The following CSMD1 variants were observed in gnomAD, a reference collection of about 807,000 sequenced individuals.
CSMD1 encodes CUB and sushi domain-containing protein 1.
A neutral mutation model predicts 417.5 loss-of-function variants in CSMD1; 213 were observed. The observed-to-expected ratio is 0.51, with a 90% CI of 0.46 to 0.57. CSMD1 has a LOEUF of 0.57. Among genes scored for constraint, CSMD1 ranks in the 20% least tolerant of loss-of-function variants. The pLI is 0.00. For synonymous variants in CSMD1, 2,862 were observed against 1,736.8 expected, an observed-to-expected ratio of 1.65 and a Z score of -16.11; for missense variants, 6,923 against 4,529.7, an observed-to-expected ratio of 1.53 and a Z score of -15.17.
intron 10 of CSMD1, among the ~76,000 whole-genome samples, chr8:3,534,128 C>A (rs371571641): frequency 2.0e-5 from 3 of 152,194 alleles, no homozygotes; most frequent in East Asian, 3.8e-4. Flanking sequence ...CGCTCTCACT[C>A]ATATGCACTG....
At chr8:4,516,611 G>A (rs2130372221) in intron 2 of CSMD1, among the ~76,000 whole-genome samples, 1 of 152,254 alleles carries the variant, frequency 6.6e-6, no homozygotes. Flanking sequence ...CCCTTCTCAT[G>A]CAAGCATCGC....
chr8:4,145,825 G>A (rs1465361431), intron 3 of CSMD1, among the ~76,000 whole-genome samples: 1 of 151,136 alleles, frequency 6.6e-6, no homozygotes, highest in Non-Finnish European at 1.5e-5. Context: ...GGGTTGGAAT[G>A]GCTTCCAGGA....
chr8:4,029,119 T>A (rs970868714), intron 4 of CSMD1, among the ~76,000 whole-genome samples: 25 of 152,086 alleles, frequency 1.6e-4, no homozygotes, highest in Non-Finnish European at 3.2e-4. Flanking sequence ...GTTTGTAATT[T>A]TTAATAAAAA....
intron 36 of CSMD1, among the ~76,000 whole-genome samples, chr8:3,186,995 G>C (rs1288651231): frequency 6.6e-6 from 1 of 152,180 alleles, no homozygotes; most frequent in Non-Finnish European, 1.5e-5. Context: ...GCCCACCTCA[G>C]CCTCCCAATG....
intron 3 of CSMD1, among the ~76,000 whole-genome samples, chr8:4,147,749 CGGCAAGCCA>C (rs1796336288): frequency 6.6e-6 from 1 of 152,078 alleles, no homozygotes; most frequent in African/African-American, 2.4e-5. Context: ...TAACAACCCC[CGGCAAGCCA>C]TGGACTTGCC....
intron 5 of CSMD1, among the ~76,000 whole-genome samples, chr8:3,759,740 CA>C (rs1188168101): frequency 0.018 from 2,094 of 116,428 alleles, 20 homozygotes; most frequent in Middle Eastern, 0.023. Context: ...CTAAAAATAC[CA>C]AAAAAAAAAA....
At chr8:3,899,464 C>T (rs1807583480) in intron 5 of CSMD1, among the ~76,000 whole-genome samples, 1 of 152,144 alleles carries the variant, frequency 6.6e-6, no homozygotes, top group African/African-American at 2.4e-5. Flanking sequence ...GGTATTGATC[C>T]AACCGCAGAG....
chr8:4,910,353 T>C (rs1312020393), intron 1 of CSMD1, among the ~76,000 whole-genome samples: 3 of 152,218 alleles, frequency 2.0e-5, no homozygotes, highest in Non-Finnish European at 4.4e-5. Context: ...TAGTCAATTT[T>C]GGCTGCTATA....
intron 54 of CSMD1, among the ~76,000 whole-genome samples, chr8:2,983,184 C>T (rs1267349539): frequency 6.6e-6 from 1 of 151,414 alleles, no homozygotes. Flanking sequence ...TATATATATA[C>T]ATACATATAT....
At chr8:4,117,810 A>C (rs1002143032) in intron 3 of CSMD1, among the ~76,000 whole-genome samples, 1 of 152,144 alleles carries the variant, frequency 6.6e-6, no homozygotes, top group African/African-American at 2.4e-5. Flanking sequence ...CGTATCCTAG[A>C]GGACACCTAG....
chr8:3,308,579 A>G, intron 23 of CSMD1, 76 bp from the exon 24 acceptor site: 1 of 1,228,040 alleles, frequency 8.1e-7, no homozygotes, highest in South Asian at 1.4e-5. Flanking sequence ...GAAACAAACA[A>G]GGTTGCTAAA....
chr8:4,506,096 C>T (rs540557638), intron 2 of CSMD1, among the ~76,000 whole-genome samples: 1 of 152,132 alleles, frequency 6.6e-6, no homozygotes, highest in African/African-American at 2.4e-5. Context: ...AAATTAATTA[C>T]CACAATAGTC....
chr8:3,894,323 C>T (rs569856294), intron 5 of CSMD1, among the ~76,000 whole-genome samples: 1 of 152,146 alleles, frequency 6.6e-6, no homozygotes, highest in East Asian at 1.9e-4. Context: ...CCACTGAAAG[C>T]TTTGCTCTGG....
intron 2 of CSMD1, among the ~76,000 whole-genome samples, chr8:4,445,703 G>A (rs980881100): frequency 6.6e-6 from 1 of 152,122 alleles, no homozygotes; most frequent in African/African-American, 2.4e-5. Flanking sequence ...AACTTGGAAG[G>A]AATTTCTATT....
At chr8:3,307,917 A>ATATACATAG in intron 24 of CSMD1, 96 bp from the exon 25 acceptor site, 1 of 1,308,648 alleles carries the variant, frequency 7.6e-7, no homozygotes, top group Non-Finnish European at 1.0e-6. Flanking sequence ...TGTCTGCATT[A>ATATACATAG]TATACATAGA....
At chr8:4,056,879 G>C (rs1257956452) in intron 3 of CSMD1, among the ~76,000 whole-genome samples, 1 of 152,196 alleles carries the variant, frequency 6.6e-6, no homozygotes, top group East Asian at 1.9e-4. Context: ...CATTTTTTAT[G>C]GCTGCATAGT....
At chr8:3,587,578 C>T (rs1800659534) in intron 8 of CSMD1, among the ~76,000 whole-genome samples, 1 of 152,220 alleles carries the variant, frequency 6.6e-6, no homozygotes, top group East Asian at 1.9e-4. Flanking sequence ...GAGTGAATAT[C>T]ATTCAAGTAA....
chr8:4,775,250 T>C (rs1796790855), intron 1 of CSMD1, among the ~76,000 whole-genome samples: 1 of 152,176 alleles, frequency 6.6e-6, no homozygotes. Flanking sequence ...AGCTTGAGGA[T>C]GAATCATAGA....
At chr8:4,994,267 C>T (rs1458814120) in intron 1 of CSMD1, 65 bp downstream of exon 1, 169 of 1,471,652 alleles carry the variant, frequency 1.1e-4, no homozygotes, top group Non-Finnish European at 1.5e-4. Context: ...AACGCACACT[C>T]GCGTCCGCAC....
Sources: gnomAD v4.1 joint callset for allele counts (sites outside exome capture counted in the v4.1 genomes callset) on GRCh38, gnomAD v4.1.1 for gene constraint, MANE v1.5 for transcripts, NCBI Gene and HGNC (gene_info 2026-07-23, HGNC 2026-07-21) for gene names.